TRMT44: variants seen among roughly 807,000 people sequenced by gnomAD.
The protein encoded by TRMT44 is probable tRNA (uracil-O(2)-)-methyltransferase.
In TRMT44, 78 loss-of-function variants were observed where a neutral mutation model predicts 77.3. That is an observed-to-expected ratio of 1.01 (90% CI 0.84 to 1.22). The LOEUF is 1.22. Among genes scored for constraint, TRMT44 ranks in the 50% most tolerant of loss-of-function variants. The probability of loss-of-function intolerance (pLI) is 0.00; values close to 1 mark genes in which losing one functional copy is unlikely to be tolerated. For missense variants in TRMT44, 1,090 were observed against 964.4 expected (o/e 1.13, Z -1.73); for synonymous variants, 391 against 383.3 (o/e 1.02, Z -0.23).
chr4:8,454,220 A>C (rs746653426), intron 5 of TRMT44, among the ~76,000 whole-genome samples: 3 of 152,200 alleles, frequency 2.0e-5, no homozygotes, highest in Non-Finnish European at 4.4e-5. Context: ...ATGTTCCCAC[A>C]CTAAAGGCCA....
At chr4:8,464,597 A>C (rs2109149311) in intron 7 of TRMT44, among the ~76,000 whole-genome samples, 1 of 152,304 alleles carries the variant, frequency 6.6e-6, no homozygotes, top group South Asian at 2.1e-4. Flanking sequence ...TCCTTATCTC[A>C]GATTCTTCTG....
In TRMT44 at chr4:8,441,369, C is replaced by T; in HGVS notation, c.547C>T (p.Leu183Phe). The part of the protein sequence containing the change: ...PEAQRELDVV[L>F]RTVIPKTSPH... ...GGCGCAGCGTGAGCTCGACGTGGTT[C>T]TCAGAACCGTCATCCCGAAAACTAG... Residue 183 changes from leucine (L) to phenylalanine (F), a missense_variant, in exon 1 of 11, where the codon CTC becomes TTC. Transcript: ENST00000389737. 1 of 1,533,388 alleles carries T rather than the reference C, an allele frequency of 6.5e-7. No individual in the cohort carries two copies. The highest frequency in any genetic ancestry group is 8.7e-7 in the Non-Finnish European group (1 of 1,145,034). The allele number at this position is 1,533,388 out of a possible 1,614,324, so 95.0% of individuals were successfully genotyped here.
the TRMT44 span, among the ~76,000 whole-genome samples, chr4:8,505,272 C>T: frequency 9.9e-5 from 15 of 152,240 alleles, no homozygotes; most frequent in Admixed American, 9.8e-4. Flanking sequence ...GAACAGGAGG[C>T]TGCAGCCCCT....
At chr4:8,487,710 G>A (rs755708349) in intron 2 of TRMT44, among the ~76,000 whole-genome samples, 39 of 152,156 alleles carry the variant, frequency 2.6e-4, no homozygotes, top group Non-Finnish European at 4.9e-4. Flanking sequence ...AGGGGTTGAG[G>A]GGTTCTTGCC....
the TRMT44 span, chr4:8,507,435 C>T: frequency 0.013 from 2,026 of 152,948 alleles, 47 homozygotes; most frequent in African/African-American, 0.046. Flanking sequence ...GGGAAGGCTG[C>T]GTGCGGGAAG....
chr4:8,498,223 T>C (rs895555510), downstream of TRMT44, among the ~76,000 whole-genome samples: 1 of 152,222 alleles, frequency 6.6e-6, no homozygotes, highest in Non-Finnish European at 1.5e-5. The surrounding 1 kb of genome is among the most constrained non-coding windows in gnomAD (Gnocchi z 4.3). Flanking sequence ...GACATTTTGC[T>C]TGATTTGCAC....
chr4:8,498,771 A>C, the TRMT44 span, among the ~76,000 whole-genome samples: 2 of 152,036 alleles, frequency 1.3e-5, no homozygotes, highest in African/African-American at 4.8e-5. This position sits in a 1 kb window ranked among gnomAD's most constrained non-coding sequence, Gnocchi z 4.3. Flanking sequence ...AAGCGATGCC[A>C]CTGTGCCCTG....
At chr4:8,490,118 T>A (rs1427072973) in intron 2 of TRMT44, among the ~76,000 whole-genome samples, 1 of 152,062 alleles carries the variant, frequency 6.6e-6, no homozygotes, top group Non-Finnish European at 1.5e-5. Context: ...CCTGTGTGAT[T>A]TCATCTCTGC....
the TRMT44 span, among the ~76,000 whole-genome samples, chr4:8,501,744 G>T: frequency 1.3e-5 from 2 of 152,104 alleles, no homozygotes; most frequent in South Asian, 2.1e-4. The surrounding 1 kb of genome is among the most constrained non-coding windows in gnomAD (Gnocchi z 4.4). Context: ...GCTGGGAGGT[G>T]CTCAGTTGGG....
the TRMT44 span, among the ~76,000 whole-genome samples, chr4:8,499,250 CTG>C: frequency 6.6e-6 from 1 of 152,136 alleles, no homozygotes; most frequent in African/African-American, 2.4e-5. Context: ...TGCCCCAACA[CTG>C]TGCTGAGACA....
Position 8,468,438 on chromosome 4 carries a change from G to A in TRMT44, c.1927+92G>A, listed in dbSNP as rs1401886805. 6 of 1,300,144 alleles carry A rather than the reference G, an allele frequency of 4.6e-6. No homozygotes were observed. The East Asian group carries it at 9.2e-5, about 20-fold the overall frequency. The allele number at this position is 1,300,144 out of a possible 1,614,324, so 80.5% of individuals were successfully genotyped here. A position where few individuals can be genotyped will look rare whatever the true frequency, so the allele number is the denominator to read the frequency against. Reference sequence around the variant, plus strand: ...TTCAGAACCGACATGAAATGGTGTGGCCCTGTGACTACACACTTTGAAAAA... The same window carrying A: ...TTCAGAACCGACATGAAATGGTGTGACCCTGTGACTACACACTTTGAAAAA... On this transcript the variant is annotated intron_variant, in intron 9 of 10. Transcript: ENST00000389737.
At position 8,454,777 on chromosome 4, in the gene TRMT44, A is replaced by T; in HGVS notation, c.1167A>T (p.Lys389Asn). ...PGRGIDVRRR[K>N]IWDMYGPQTQ... ...GAGGGATTGATGTCCGAAGAAGAAA[A>T]ATCTGGGACATGTATGGACCACAAA... The change falls in exon 6 of 11, where the codon AAA (lysine) becomes AAT (asparagine). Residue 389 changes from lysine (K) to asparagine (N), a missense_variant. Transcript: ENST00000389737. 2.5e-6 allele frequency: 4 copies of T among 1,614,226 alleles called. No individual in the cohort carries two copies. The highest frequency in any genetic ancestry group is 2.5e-6 in the Non-Finnish European group (3 of 1,180,044).
At position 8,449,784 on chromosome 4, in the gene TRMT44, G is replaced by C; in HGVS notation, c.850G>C (p.Glu284Gln). 6.5e-7 allele frequency: 1 copy of C among 1,535,938 alleles called. No individual in the cohort carries two copies. ...GGCCAAGTTGGCCAAGTGGTCTGTA[G>C]AGAACAAGAAGAGTGACTTTAAAAG... ...LLAKLAKWSV[E>Q]NKKSDFKSTL... Residue 284 changes from glutamate (E) to glutamine (Q), a missense_variant, in exon 3 of 11, where the codon GAG (glutamate) becomes CAG (glutamine). Coordinates refer to ENST00000389737, the MANE Select transcript of TRMT44 (RefSeq NM_152544.3).
chr4:8,448,836 C>T (rs535557278), intron 2 of TRMT44, among the ~76,000 whole-genome samples: 324 of 152,344 alleles, frequency 2.1e-3, no homozygotes, highest in Middle Eastern at 0.01. Flanking sequence ...ATGCTGCTGC[C>T]GCGCCCTCAG....
At position 8,465,556 on chromosome 4, in the gene TRMT44, A is replaced by G. The variant is rs750840713; in HGVS notation, c.1489A>G (p.Lys497Glu). Residue 497 changes from lysine (K) to glutamate (E), a missense_variant, in exon 8 of 11, where the codon AAA becomes GAA. Lys to Glu is a moderately conservative substitution (Grantham distance 56). Transcript: ENST00000389737. ...AGACTGCCTCAGGATTCCTTCAACC[A>G]AAAGAGTATGTCTGATTCTCATGTT... Reference protein sequence around the residue: ...DEDCLRIPSTKRVCLVGKSRT... With the variant: ...DEDCLRIPSTERVCLVGKSRT... 4 of 1,610,798 alleles carry G rather than the reference A, an allele frequency of 2.5e-6. No individual in the cohort carries two copies. The East Asian group carries it at 6.7e-5, about 27-fold the overall frequency.
chr4:8,468,050 G>C lies in TRMT44; in HGVS notation c.1631G>C (p.Arg544Pro), dbSNP rs746418782. ...GGCTGGGAGCTTTCCCCTTCTCCAC[G>C]CTGGGTTGCTGCTGGCAGTGCTGGT... The part of the protein sequence containing the change: ...PPGWELSPSP[R>P]WVAAGSAGHC... Residue 544 changes from arginine (R) to proline (P), a missense_variant, in exon 9 of 11, where the codon CGC becomes CCC. Transcript: ENST00000389737. 6.2e-7 allele frequency: 1 copy of C among 1,613,904 alleles called. No homozygotes were observed. The highest frequency in any genetic ancestry group is 8.5e-7 in the Non-Finnish European group (1 of 1,180,032).
At chr4:8,455,345 G>C (rs973476913) in intron 6 of TRMT44, among the ~76,000 whole-genome samples, 1 of 152,232 alleles carries the variant, frequency 6.6e-6, no homozygotes, top group Non-Finnish European at 1.5e-5. Flanking sequence ...AAGGCTTCTT[G>C]GAGCACCCCC....
At chr4:8,466,800 C>T (rs375096829) in intron 8 of TRMT44, among the ~76,000 whole-genome samples, 46 of 152,278 alleles carry the variant, frequency 3.0e-4, no homozygotes, top group East Asian at 2.9e-3. Context: ...GTTTGGGGAT[C>T]GAATGTAAGA....
the TRMT44 span, among the ~76,000 whole-genome samples, chr4:8,510,078 A>G: frequency 6.6e-6 from 1 of 152,128 alleles, no homozygotes; most frequent in African/African-American, 2.4e-5. Flanking sequence ...CACACAGTGG[A>G]GGTGGCCTGC....
Sources: gnomAD v4.1 joint callset for allele counts (sites outside exome capture counted in the v4.1 genomes callset) on GRCh38, gnomAD v4.1.1 for gene constraint, Gnocchi (gnomAD v3.1) non-coding constraint, MANE v1.5 for transcripts, NCBI Gene and HGNC (gene_info 2026-07-23, HGNC 2026-07-21) for gene names.